Variants in MS4A1 observed in about 807,000 individuals in gnomAD.
MS4A1 encodes the protein B-lymphocyte antigen CD20.
MS4A1 carries 16 observed loss-of-function variants against 26.5 expected under a neutral mutation model. The ratio of observed to expected loss-of-function variants is 0.60; its 90% CI spans 0.41 to 0.92. MS4A1 has a LOEUF of 0.92. Among genes scored for constraint, MS4A1 ranks in the 40% least tolerant of loss-of-function variants. The probability of loss-of-function intolerance (pLI) is 0.00; values close to 1 mark genes in which losing one functional copy is unlikely to be tolerated. For synonymous variants in MS4A1, 128 were observed against 117.6 expected, an observed-to-expected ratio of 1.09 and a Z score of -0.57; for missense variants, 350 against 353.0, an observed-to-expected ratio of 0.99 and a Z score of 0.07.
chr11:60,464,117 A>G, intron 4 of MS4A1, 171 bp from the exon 5 acceptor site: 2 of 623,920 alleles, frequency 3.2e-6, no homozygotes, highest in Non-Finnish European at 5.7e-6. Context: ...GGAATATGAC[A>G]GCTGAAAAAT....
Position 60,465,974 on chromosome 11 carries a change from A to G in MS4A1, c.390A>G (p.Gly130=). 1 of 1,613,948 alleles carries G rather than the reference A, an allele frequency of 6.2e-7. No individual in the cohort carries two copies. The highest frequency in any genetic ancestry group is 8.5e-7 in the Non-Finnish European group (1 of 1,179,898). ...NSLSLFAAIS[G]MILSIMDILN... Reference sequence around the variant, plus strand: ...TGAGCCTCTTTGCTGCCATTTCTGGAATGATTCTTTCAATCATGGACATAC... The same window carrying G: ...TGAGCCTCTTTGCTGCCATTTCTGGGATGATTCTTTCAATCATGGACATAC... Residue 130 remains glycine (G), a synonymous_variant, in exon 6 of 8, where the codon GGA becomes GGG. Coordinates refer to ENST00000345732, the MANE Select transcript of MS4A1 (RefSeq NM_152866.3).
At chr11:60,462,124 C>T in intron 2 of MS4A1, 61 bp from the exon 3 acceptor site, 1 of 597,648 alleles carries the variant, frequency 1.7e-6, no homozygotes, top group Non-Finnish European at 3.1e-6. Context: ...GTCAAGATCA[C>T]TGGCAGGGAC....
intron 5 of MS4A1, 135 bp from the exon 6 acceptor site, chr11:60,465,786 A>G (rs1017574562): frequency 2.8e-6 from 2 of 705,700 alleles, no homozygotes; most frequent in Non-Finnish European, 2.5e-6. Flanking sequence ...GAGGCTAAAA[A>G]CAACTGAGAG....
At chr11:60,467,353 G>C (rs1369712429) in intron 7 of MS4A1, among the ~76,000 whole-genome samples, 1 of 149,480 alleles carries the variant, frequency 6.7e-6, no homozygotes, top group Non-Finnish European at 1.5e-5. Context: ...TCTTGGCCCA[G>C]TGCAACCTCT....
In MS4A1 at chr11:60,465,819, G is replaced by T. The variant is rs2086286144; in HGVS notation, c.337-102G>T. 2.5e-5 allele frequency: 22 copies of T among 865,026 alleles called. No homozygotes were observed. In the South Asian group the frequency reaches 3.1e-4, roughly 12 times the overall value. 53.6% of individuals were successfully genotyped at this position (865,026 alleles called of 1,614,324 possible). A position where few individuals can be genotyped will look rare whatever the true frequency, so the allele number is the denominator to read the frequency against. ...GAGAACTTCAGTATATTTAGTTGTA[G>T]TTGCTTTGTGAGTCAGGGCAGTTGC... is the stretch of plus-strand genomic sequence containing the variant. On this transcript the variant is annotated intron_variant, in intron 5 of 7. Transcript: ENST00000345732.
Position 60,462,396 on chromosome 11 carries a change from G to A in MS4A1, c.22G>A (p.Val8Ile). The A allele has an allele frequency of 6.2e-7, 1 of 1,614,176 alleles. No individual in the cohort carries two copies. The highest frequency in any genetic ancestry group is 8.5e-7 in the Non-Finnish European group (1 of 1,180,032). ...CAAAATGACAACACCCAGAAATTCA[G>A]TAAATGGGACTTTCCCGGCAGAGCC... is the stretch of plus-strand genomic sequence containing the variant. MTTPRNS[V>I]NGTFPAEPMK... is the part of the protein sequence containing the mutation. The change falls in exon 3 of 8, where the codon GTA (valine) becomes ATA (isoleucine). Residue 8 changes from valine (V) to isoleucine (I), a missense_variant. Transcript: ENST00000345732.
chr11:60,462,591 T>G, intron 3 of MS4A1, 58 bp downstream of exon 3: 1 of 1,600,536 alleles, frequency 6.2e-7, no homozygotes, highest in South Asian at 1.1e-5. Flanking sequence ...CAGAAGCTGA[T>G]GCGGTATAGG....
intron 7 of MS4A1, among the ~76,000 whole-genome samples, chr11:60,467,781 A>C (rs1450809246): frequency 2.0e-5 from 3 of 152,132 alleles, no homozygotes; most frequent in Non-Finnish European, 4.4e-5. Flanking sequence ...AGGGCTCCAC[A>C]AATGGGAAAT....
In MS4A1 at chr11:60,465,925, A is replaced by G. The variant is rs2086286971; in HGVS notation, c.341A>G (p.Lys114Arg). ...TEKNSRKCLV[K>R]GKMIMNSLSL... ...AAATCTGTGTCTCCATTTCAGGTCA[A>G]AGGAAAAATGATAATGAATTCATTG... Residue 114 changes from lysine (K) to arginine (R), a missense_variant, in exon 6 of 8, where the codon AAA (lysine) becomes AGA (arginine). Physicochemically the swap from Lys to Arg is conservative, Grantham distance 26. Transcript: ENST00000345732. The G allele has an allele frequency of 6.2e-7, 1 of 1,612,094 alleles. No homozygotes were observed. The highest frequency in any genetic ancestry group is 1.7e-5 in the Admixed American group (1 of 60,010).
Position 60,466,007 on chromosome 11 carries a change from T to A in MS4A1, c.423T>A (p.Ile141=), listed in dbSNP as rs912974839. 6.2e-7 allele frequency: 1 copy of A among 1,613,842 alleles called. No individual in the cohort carries two copies. The highest frequency in any genetic ancestry group is 8.5e-7 in the Non-Finnish European group (1 of 1,179,776). ...TTTCAATCATGGACATACTTAATAT[T>A]AAAATTTCCCATTTTTTAAAAATGG... ...MILSIMDILN[I]KISHFLKMES... Residue 141 remains isoleucine, a synonymous_variant, in exon 6 of 8, where the codon ATT becomes ATA. Transcript: ENST00000345732.
chr11:60,467,778 C>G (rs770732777), intron 7 of MS4A1, among the ~76,000 whole-genome samples: 1 of 151,988 alleles, frequency 6.6e-6, no homozygotes, highest in Non-Finnish European at 1.5e-5. Flanking sequence ...TAAAGGGCTC[C>G]ACAAATGGGA....
chr11:60,466,814 T>C (rs2086295347), intron 6 of MS4A1, 145 bp from the exon 7 acceptor site: 4 of 794,488 alleles, frequency 5.0e-6, no homozygotes, highest in Admixed American at 2.0e-5. Flanking sequence ...TCTCCTGTAC[T>C]AGCAGTTCTC....
intron 1 of MS4A1, among the ~76,000 whole-genome samples, chr11:60,460,633 G>A (rs930567650): frequency 1.1e-4 from 17 of 152,138 alleles, no homozygotes; most frequent in African/African-American, 3.6e-4. Context: ...GCAAAGATGT[G>A]TCCCCAAAAG....
chr11:60,466,441 G>A (rs1250307801), intron 6 of MS4A1, among the ~76,000 whole-genome samples: 1 of 152,132 alleles, frequency 6.6e-6, no homozygotes, highest in Non-Finnish European at 1.5e-5. Context: ...TATAAGCATT[G>A]GCTTTAACAT....
intron 1 of MS4A1, among the ~76,000 whole-genome samples, chr11:60,457,237 A>G (rs144288899): frequency 3.3e-5 from 5 of 152,242 alleles, no homozygotes; most frequent in Admixed American, 1.3e-4. Context: ...TTCAGGAAAG[A>G]AGGTAGAGGA....
At position 60,462,409 on chromosome 11, in the gene MS4A1, T is replaced by C. The variant is rs763588373; in HGVS notation, c.35T>C (p.Phe12Ser). 2 of 1,614,088 alleles carry C rather than the reference T, an allele frequency of 1.2e-6. No individual in the cohort carries two copies. Among genetic ancestry groups the C allele is most frequent in the South Asian group, 1.1e-5 (1 of 91,086 alleles). ...CCCAGAAATTCAGTAAATGGGACTTTCCCGGCAGAGCCAATGAAAGGCCCT... is the reference window on the plus strand; with the variant it reads ...CCCAGAAATTCAGTAAATGGGACTTCCCCGGCAGAGCCAATGAAAGGCCCT... ...TTPRNSVNGT[F>S]PAEPMKGPIA... The change falls in exon 3 of 8, where the codon TTC becomes TCC. Residue 12 changes from phenylalanine to serine, a missense_variant. Physicochemically the swap from Phe to Ser is radical, Grantham distance 155 (BLOSUM62 -2). Coordinates refer to ENST00000345732, the MANE Select transcript of MS4A1 (RefSeq NM_152866.3).
At chr11:60,467,636 A>G (rs768872854) in intron 7 of MS4A1, among the ~76,000 whole-genome samples, 2 of 151,288 alleles carry the variant, frequency 1.3e-5, no homozygotes, top group South Asian at 4.2e-4. Flanking sequence ...TCCTGATTTC[A>G]TGATTCCATA....
At position 60,462,997 on chromosome 11, in the gene MS4A1, C is replaced by T. The variant is rs759440187; in HGVS notation, c.160-5C>T. The stretch of plus-strand genomic sequence containing the variant: ...CATCCACTGCTGCCTCTGTTCTCTC[C>T]CCAGGCTGTCCAGATTATGAATGGG... On this transcript the variant is annotated splice_polypyrimidine_tract_variant and splice_region_variant and intron_variant, in intron 3 of 7. Transcript: ENST00000345732. 7 of 1,613,598 alleles carry T rather than the reference C, an allele frequency of 4.3e-6. No homozygotes were observed. The highest frequency in any genetic ancestry group is 5.9e-6 in the Non-Finnish European group (7 of 1,179,996).
chr11:60,463,660 C>T (rs1221313250), intron 4 of MS4A1: 12 of 376,768 alleles, frequency 3.2e-5, no homozygotes, highest in Admixed American at 1.6e-4. Context: ...TTTATTTCCC[C>T]GTGATACTTT....
Sources: allele counts gnomAD v4.1 joint callset (sites outside exome capture counted in the v4.1 genomes callset), GRCh38; gene constraint gnomAD v4.1.1; transcripts MANE v1.5; gene names NCBI Gene and HGNC (gene_info 2026-07-23, HGNC 2026-07-21).